The following PGAP4 variants were observed in gnomAD, a reference collection of about 807,000 sequenced individuals.
PGAP4 encodes the protein GPI-N-acetylgalactosamine transferase PGAP4.
A neutral mutation model predicts 28.2 loss-of-function variants in PGAP4; 12 were observed. The ratio of observed to expected loss-of-function variants is 0.42; its 90% CI spans 0.27 to 0.69. The LOEUF is 0.69. Among genes scored for constraint, PGAP4 ranks in the 30% least tolerant of loss-of-function variants. The pLI is 0.22. For synonymous variants in PGAP4, 205 were observed against 211.8 expected (o/e 0.97, Z 0.28); for missense variants, 425 against 513.5 (o/e 0.83, Z 1.67).
chr9:101,513,830 T>A (rs1190506747), intron 2 of PGAP4, among the ~76,000 whole-genome samples: 2 of 151,950 alleles, frequency 1.3e-5, no homozygotes, highest in Admixed American at 1.3e-4. Flanking sequence ...TCCAAAAGCC[T>A]CAGAATCAGG....
intron 1 of PGAP4, among the ~76,000 whole-genome samples, chr9:101,478,469 T>C (rs1275465535): frequency 6.6e-6 from 1 of 152,216 alleles, no homozygotes; most frequent in Non-Finnish European, 1.5e-5. Context: ...CCAGGAACCA[T>C]ACGAGGCTGC....
chr9:101,484,416 T>C (rs1444967007), intron 1 of PGAP4, among the ~76,000 whole-genome samples: 1 of 152,152 alleles, frequency 6.6e-6, no homozygotes. Flanking sequence ...GGTTTAAATA[T>C]GTTGACATAA....
intron 2 of PGAP4, among the ~76,000 whole-genome samples, chr9:101,522,267 G>A (rs1320620638): frequency 1.3e-5 from 2 of 152,050 alleles, no homozygotes; most frequent in African/African-American, 4.8e-5. Flanking sequence ...TTGTTTCTTT[G>A]TTGACTTTCT....
intron 2 of PGAP4, among the ~76,000 whole-genome samples, chr9:101,528,975 C>CCTCT (rs146323705): frequency 2.0e-5 from 3 of 148,884 alleles, no homozygotes; most frequent in African/African-American, 4.9e-5. Context: ...TTGTGTTGCT[C>CCTCT]CTCTCTCTCT....
At chr9:101,506,079 G>A (rs1275596750) in intron 2 of PGAP4, among the ~76,000 whole-genome samples, 1 of 152,046 alleles carries the variant, frequency 6.6e-6, no homozygotes, top group Non-Finnish European at 1.5e-5. Context: ...GCAAACAACT[G>A]GGACATTGGA....
chr9:101,480,787 A>T (rs1826462487), intron 1 of PGAP4: 1 of 152,210 alleles, frequency 6.6e-6, no homozygotes, highest in Non-Finnish European at 1.5e-5. Flanking sequence ...TTTACTTTTT[A>T]AAACATTTTT....
intron 1 of PGAP4, among the ~76,000 whole-genome samples, chr9:101,531,935 A>G (rs542460814): frequency 2.0e-5 from 3 of 152,386 alleles, no homozygotes; most frequent in Admixed American, 2.0e-4. Flanking sequence ...ATGGTAAACA[A>G]GAATAACATG....
chr9:101,511,620 G>A (rs559336625), intron 2 of PGAP4, among the ~76,000 whole-genome samples: 123 of 152,172 alleles, frequency 8.1e-4, no homozygotes, highest in African/African-American at 2.8e-3. Flanking sequence ...ATCCATAATG[G>A]TATTGGTAAG....
At chr9:101,505,007 CA>C (rs1826838020) in intron 2 of PGAP4, among the ~76,000 whole-genome samples, 1 of 152,084 alleles carries the variant, frequency 6.6e-6, no homozygotes, top group South Asian at 2.1e-4. Flanking sequence ...AATGTCTATG[CA>C]ATGAAGAACA....
chr9:101,511,881 G>A (rs1217624586), intron 2 of PGAP4, among the ~76,000 whole-genome samples: 3 of 152,062 alleles, frequency 2.0e-5, no homozygotes, highest in African/African-American at 7.2e-5. Flanking sequence ...GACCTAGGAT[G>A]GGATAGTCTT....
upstream of PGAP4, among the ~76,000 whole-genome samples, chr9:101,491,844 T>TATAC (rs1554708976): frequency 7.3e-6 from 1 of 137,084 alleles, no homozygotes; most frequent in African/African-American, 2.6e-5. Flanking sequence ...TATATATATA[T>TATAC]ATATTCTTTT....
rs145302594 is a variant in PGAP4, at chr9:101,524,488, C to T, written c.-165+6860G>A. On this transcript the variant is annotated intron_variant, in intron 2 of 3. Coordinates refer to the PGAP4 transcript ENST00000374851. The stretch of plus-strand genomic sequence containing the variant: ...TTTGCCCTGCCCTGAGTTCTGGCCA[C>T]GAGGCTTCTCACCCCATTCAAATTG... 8.6e-3 allele frequency among the ~76,000 whole-genome samples: 1,313 copies of T among 152,268 alleles called. 9 individuals are homozygous for T. Among genetic ancestry groups the T allele is most frequent in the Middle Eastern group, 0.02 (6 of 294 alleles).
intron 2 of PGAP4, among the ~76,000 whole-genome samples, chr9:101,495,083 T>C (rs921781010): frequency 2.9e-5 from 4 of 138,786 alleles, no homozygotes; most frequent in Non-Finnish European, 6.1e-5. Context: ...CCATTTATTA[T>C]TTGACAATGT....
At chr9:101,487,589 G>T (rs915340465), upstream of PGAP4, among the ~76,000 whole-genome samples, 3 of 152,198 alleles carry the variant, frequency 2.0e-5, no homozygotes, top group Non-Finnish European at 4.4e-5. Context: ...CAAAAGAAAA[G>T]TAACAGCCTC....
At chr9:101,490,790 T>C (rs1013860618), upstream of PGAP4, among the ~76,000 whole-genome samples, 2 of 152,210 alleles carry the variant, frequency 1.3e-5, no homozygotes, top group East Asian at 1.9e-4. Context: ...TATGAGAGTT[T>C]CCAAACCTGC....
chr9:101,518,004 C>A (rs901068458), intron 2 of PGAP4, among the ~76,000 whole-genome samples: 1 of 152,102 alleles, frequency 6.6e-6, no homozygotes, highest in Non-Finnish European at 1.5e-5. Flanking sequence ...GAGCACAGCA[C>A]CCAATAGGTC....
At chr9:101,525,160 G>T (rs1027075458) in intron 2 of PGAP4, among the ~76,000 whole-genome samples, 3 of 152,186 alleles carry the variant, frequency 2.0e-5, no homozygotes, top group Admixed American at 6.5e-5. Context: ...AATAGTAGTT[G>T]TTTTTTAAGT....
At chr9:101,490,481 C>T (rs1340689890), upstream of PGAP4, among the ~76,000 whole-genome samples, 4 of 152,198 alleles carry the variant, frequency 2.6e-5, no homozygotes, top group South Asian at 2.1e-4. Flanking sequence ...TGAGCCACTG[C>T]GCTCAGCCCA....
chr9:101,505,531 A>G (rs1826842330), intron 2 of PGAP4, among the ~76,000 whole-genome samples: 1 of 152,090 alleles, frequency 6.6e-6, no homozygotes, highest in Non-Finnish European at 1.5e-5. Context: ...TTTCCAGCCT[A>G]CTGACCCTCT....
Sources: gnomAD v4.1 joint callset for allele counts (sites outside exome capture counted in the v4.1 genomes callset) on GRCh38, gnomAD v4.1.1 for gene constraint, MANE v1.5 for transcripts, NCBI Gene and HGNC (gene_info 2026-07-23, HGNC 2026-07-21) for gene names.